The following C10orf90 variants were observed in gnomAD, a reference collection of about 807,000 sequenced individuals.
The protein encoded by C10orf90 is chromosome 10 open reading frame 90.
A neutral mutation model predicts 62.5 loss-of-function variants in C10orf90; 56 were observed. That is an observed-to-expected ratio of 0.90 (90% CI 0.72 to 1.12). The LOEUF (loss-of-function observed/expected upper bound fraction) is 1.12. C10orf90 is among the 50% of genes most tolerant of loss of function. C10orf90 has a pLI of 0.00. For synonymous variants in C10orf90, 386 were observed against 340.4 expected (o/e 1.13, Z -1.47); for missense variants, 970 against 880.4 (o/e 1.10, Z -1.29).
chr10:126,565,139 A>AC (rs1844319627), intron 2 of C10orf90, among the ~76,000 whole-genome samples: 13 of 22,210 alleles, frequency 5.9e-4, no homozygotes, highest in African/African-American at 1.0e-3. Context: ...ATATAAATAT[A>AC]ATATTAAATA....
In C10orf90 at chr10:126,524,045, C is replaced by T. The variant is rs189888581; in HGVS notation, c.314-10106G>A. Among the ~76,000 whole-genome samples the T allele has an allele frequency of 3.2e-4, 49 of 152,238 alleles. 1 individual carries two copies. In the East Asian group the frequency reaches 7.3e-3, roughly 23 times the overall value. Reference sequence around the variant, plus strand: ...GAACATGGTTGTACAAACATGTATCCAAGTCTCTGATTTCAATTCCTTCTT... The same window carrying T: ...GAACATGGTTGTACAAACATGTATCTAAGTCTCTGATTTCAATTCCTTCTT... On this transcript the variant is annotated intron_variant, in intron 2 of 9. Coordinates refer to ENST00000488181, the MANE Select transcript of C10orf90 (RefSeq NM_001350921.2).
intron 2 of C10orf90, among the ~76,000 whole-genome samples, chr10:126,560,419 T>C (rs1034369962): frequency 6.6e-6 from 1 of 152,196 alleles, no homozygotes; most frequent in Non-Finnish European, 1.5e-5. Flanking sequence ...GCACGGTGCA[T>C]GGTTGGAGGC....
chr10:126,539,901 G>C (rs1564863299), intron 2 of C10orf90, among the ~76,000 whole-genome samples: 1 of 152,188 alleles, frequency 6.6e-6, no homozygotes, highest in Admixed American at 6.5e-5. Context: ...CAGAAAGATT[G>C]CAAAGAAAGA....
chr10:126,458,411 C>G (rs1590940390), intron 7 of C10orf90, among the ~76,000 whole-genome samples: 1 of 152,244 alleles, frequency 6.6e-6, no homozygotes, highest in East Asian at 1.9e-4. Context: ...ACCCTCATTT[C>G]TTTTTGTTAT....
At chr10:126,523,548 C>T (rs558293111) in intron 2 of C10orf90, 7 of 152,228 alleles carry the variant, frequency 4.6e-5, no homozygotes, top group Non-Finnish European at 1.0e-4. Flanking sequence ...TTTCTTTTCT[C>T]TCATGAGTTG....
At chr10:126,561,355 G>A (rs1371040591) in intron 2 of C10orf90, among the ~76,000 whole-genome samples, 5 of 152,148 alleles carry the variant, frequency 3.3e-5, no homozygotes, top group East Asian at 1.9e-4. Context: ...TCAAGCACAC[G>A]TGAGGCTTGA....
chr10:126,576,679 A>C (rs879405195), intron 2 of C10orf90, among the ~76,000 whole-genome samples: 5,514 of 58,840 alleles, frequency 0.094, 1,193 homozygotes, highest in African/African-American at 0.18. Flanking sequence ...ATATGTATAC[A>C]TATACATATA....
chr10:126,548,073 C>T (rs1864543121), intron 2 of C10orf90, among the ~76,000 whole-genome samples: 1 of 151,970 alleles, frequency 6.6e-6, no homozygotes, highest in East Asian at 1.9e-4. Context: ...AAAAAAAAAT[C>T]TACACCAAGA....
chr10:126,592,501 T>C (rs1415117823), intron 2 of C10orf90, among the ~76,000 whole-genome samples: 2 of 152,166 alleles, frequency 1.3e-5, no homozygotes, highest in African/African-American at 4.8e-5. Context: ...TGCAGAAAAT[T>C]GAAACTGGAC....
At chr10:126,635,543 C>T (rs1262371795) in intron 2 of C10orf90, among the ~76,000 whole-genome samples, 1 of 152,200 alleles carries the variant, frequency 6.6e-6, no homozygotes. Flanking sequence ...AAAAGGACCA[C>T]CACAGTGATA....
At chr10:126,630,615 G>C (rs1014895199) in intron 2 of C10orf90, among the ~76,000 whole-genome samples, 1 of 152,142 alleles carries the variant, frequency 6.6e-6, no homozygotes, top group African/African-American at 2.4e-5. Flanking sequence ...ACCCAGTGCT[G>C]TCTGTGGCTC....
chr10:126,426,211 T>C lies in C10orf90; in HGVS notation c.2253-121A>G, dbSNP rs570928074. On this transcript the variant is annotated intron_variant, in intron 8 of 9. Coordinates refer to ENST00000488181, the MANE Select transcript of C10orf90 (RefSeq NM_001350921.2). Reference sequence around the variant, plus strand: ...AAAGAGAAGATCGCTGCTTATGGGCTAGCTCACAACTGTAGGATGCCAGGA... The same window carrying C: ...AAAGAGAAGATCGCTGCTTATGGGCCAGCTCACAACTGTAGGATGCCAGGA... 54 of 798,334 alleles carry C rather than the reference T, an allele frequency of 6.8e-5. No individual in the cohort carries two copies. The African/African-American group carries it at 7.7e-4, about 11-fold the overall frequency. 49.5% of individuals were successfully genotyped at this position (798,334 alleles called of 1,614,324 possible).
At position 126,467,884 on chromosome 10, in the gene C10orf90, A is replaced by T. The variant is rs1347166398; in HGVS notation, c.1535-2898T>A. Among the ~76,000 whole-genome samples the T allele has an allele frequency of 2.6e-5, 4 of 152,278 alleles. No homozygotes were observed. The East Asian group carries it at 7.7e-4, about 29-fold the overall frequency. ...CACAAAGTTACCTCCTAGATTAAGA[A>T]TTGGAATATTTCCTGGGCTTCAGAC... On this transcript the variant is annotated intron_variant, in intron 4 of 9. Transcript: ENST00000488181.
At chr10:126,460,730 G>A (rs1590945487) in intron 6 of C10orf90, among the ~76,000 whole-genome samples, 1 of 152,050 alleles carries the variant, frequency 6.6e-6, no homozygotes, top group East Asian at 1.9e-4. Flanking sequence ...AGGCCCCCTG[G>A]GTACAGGAGC....
chr10:126,507,217 C>T (rs1023852203), intron 3 of C10orf90, among the ~76,000 whole-genome samples: 11 of 151,518 alleles, frequency 7.3e-5, no homozygotes, highest in South Asian at 2.1e-4. Context: ...ATTAGCTGGG[C>T]GTGGTGGCAG....
At chr10:126,657,668 T>G (rs964491658) in intron 1 of C10orf90, among the ~76,000 whole-genome samples, 1 of 150,926 alleles carries the variant, frequency 6.6e-6, no homozygotes, top group Non-Finnish European at 1.5e-5. Context: ...CAGGCTAGAG[T>G]GCAGTGGCCC....
chr10:126,639,430 T>TTCAGA lies in C10orf90; in HGVS notation c.313+7130_313+7134dup, dbSNP rs141464650. Among the ~76,000 whole-genome samples the TTCAGA allele has an allele frequency of 3.6e-3, 542 of 152,288 alleles. 4 individuals carry two copies. Among genetic ancestry groups the TTCAGA allele is most frequent in the African/African-American group, 0.013 (531 of 41,570 alleles). ...CTGTCTCTCAGACCTGGCTCCTTTA[T>TTCAGA]TCAGATCAGGATACCGATGCCCAAA... On this transcript the variant is annotated intron_variant, in intron 2 of 9. Transcript: ENST00000488181.
intron 2 of C10orf90, among the ~76,000 whole-genome samples, chr10:126,626,161 C>T (rs1242441541): frequency 6.6e-6 from 1 of 150,494 alleles, no homozygotes. Context: ...GAGAAGGCTC[C>T]AGACACCGTT....
intron 4 of C10orf90, among the ~76,000 whole-genome samples, chr10:126,491,076 A>C (rs1861746161): frequency 6.6e-6 from 1 of 152,236 alleles, no homozygotes; most frequent in Admixed American, 6.5e-5. Flanking sequence ...TTATACTAGC[A>C]TTCAGAATAT....
Sources: gnomAD v4.1 joint callset for allele counts (sites outside exome capture counted in the v4.1 genomes callset) on GRCh38, gnomAD v4.1.1 for gene constraint, MANE v1.5 for transcripts, NCBI Gene and HGNC (gene_info 2026-07-23, HGNC 2026-07-21) for gene names.